The following TMEM163 variants were observed in gnomAD, a reference collection of about 807,000 sequenced individuals.
The protein encoded by TMEM163 is transmembrane protein 163.
TMEM163 carries 17 observed loss-of-function variants against 29.3 expected under a neutral mutation model. The observed-to-expected ratio is 0.58, with a 90% CI of 0.40 to 0.87. The LOEUF (loss-of-function observed/expected upper bound fraction) is 0.87. Among genes scored for constraint, TMEM163 ranks in the 40% least tolerant of loss-of-function variants. The pLI, the probability that TMEM163 is intolerant of heterozygous loss-of-function variation, is 0.00. For synonymous variants in TMEM163, 157 were observed against 160.6 expected (o/e 0.98, Z 0.17); for missense variants, 303 against 381.5 (o/e 0.79, Z 1.71).
intron 4 of TMEM163, among the ~76,000 whole-genome samples, chr2:134,516,721 TC>T (rs1680073344): frequency 5.6e-5 from 6 of 106,838 alleles, no homozygotes; most frequent in Non-Finnish European, 1.0e-4. Context: ...ACATATATAT[TC>T]ATATATATGC....
intron 4 of TMEM163, among the ~76,000 whole-genome samples, chr2:134,519,373 T>C (rs1388169608): frequency 1.3e-5 from 2 of 152,126 alleles, no homozygotes; most frequent in Non-Finnish European, 2.9e-5. Flanking sequence ...CGGCCTCAAA[T>C]GAGCAGAGTG....
At chr2:134,542,128 T>C (rs374906217) in intron 4 of TMEM163, among the ~76,000 whole-genome samples, 1 of 152,248 alleles carries the variant, frequency 6.6e-6, no homozygotes, top group African/African-American at 2.4e-5. Flanking sequence ...TTTTATTCCA[T>C]GTTCTTGAAA....
chr2:134,629,351 C>T (rs886286120), intron 2 of TMEM163, among the ~76,000 whole-genome samples: 5 of 152,150 alleles, frequency 3.3e-5, no homozygotes, highest in African/African-American at 9.7e-5. Context: ...CGTTTCTTCT[C>T]AGAAGTGAGA....
intron 4 of TMEM163, among the ~76,000 whole-genome samples, chr2:134,517,112 T>C (rs971222273): frequency 3.5e-5 from 5 of 143,272 alleles, no homozygotes; most frequent in Admixed American, 2.1e-4. Flanking sequence ...TCTTCCATCA[T>C]TGGGACCTCT....
At chr2:134,556,272 GTGAGT>G (rs1681047469) in intron 2 of TMEM163, among the ~76,000 whole-genome samples, 1 of 152,190 alleles carries the variant, frequency 6.6e-6, no homozygotes, top group South Asian at 2.1e-4. Flanking sequence ...TTAAGCCAGT[GTGAGT>G]TGAGTTTCTA....
intron 4 of TMEM163, among the ~76,000 whole-genome samples, chr2:134,550,269 C>T (rs1050671726): frequency 2.0e-5 from 3 of 152,134 alleles, no homozygotes; most frequent in Non-Finnish European, 4.4e-5. Context: ...TCCAAGAGAA[C>T]AAAGATTCCG....
intron 6 of TMEM163, among the ~76,000 whole-genome samples, chr2:134,465,727 C>T (rs998948834): frequency 6.6e-6 from 1 of 152,156 alleles, no homozygotes; most frequent in Non-Finnish European, 1.5e-5. Flanking sequence ...GAAGGAAAAA[C>T]AAGCATGGAG....
At chr2:134,542,285 TC>T (rs903731436) in intron 4 of TMEM163, among the ~76,000 whole-genome samples, 1 of 152,186 alleles carries the variant, frequency 6.6e-6, no homozygotes, top group Non-Finnish European at 1.5e-5. Context: ...GTCGTGACCC[TC>T]CCTCCCTTTC....
At chr2:134,593,989 T>C (rs1574265093) in intron 2 of TMEM163, among the ~76,000 whole-genome samples, 1 of 151,982 alleles carries the variant, frequency 6.6e-6, no homozygotes, top group East Asian at 1.9e-4. Flanking sequence ...TAATGAAATT[T>C]TCAGGTTCTC....
intron 5 of TMEM163, among the ~76,000 whole-genome samples, chr2:134,500,102 C>G (rs1194214393): frequency 6.6e-6 from 1 of 152,202 alleles, no homozygotes. Flanking sequence ...AGCATGATAT[C>G]TCCAGAGGAG....
At chr2:134,581,634 CG>C (rs11403384) in intron 2 of TMEM163, among the ~76,000 whole-genome samples, 1 of 151,634 alleles carries the variant, frequency 6.6e-6, no homozygotes, top group Admixed American at 6.6e-5. Context: ...TTTATGGGGG[CG>C]GGGGGGAGAT....
chr2:134,582,198 G>A (rs911709105), intron 2 of TMEM163, among the ~76,000 whole-genome samples: 1 of 152,196 alleles, frequency 6.6e-6, no homozygotes, highest in African/African-American at 2.4e-5. Flanking sequence ...AGGCTGGGAA[G>A]GGGAGTAAGT....
rs58005011 is a variant in TMEM163 at position 134,537,774 on chromosome 2, A to G, written c.458+12796T>C. Among the ~76,000 whole-genome samples, 258 of 152,358 alleles carry G rather than the reference A, an allele frequency of 1.7e-3. 2 individuals carry two copies. The highest frequency in any genetic ancestry group is 5.7e-3 in the African/African-American group (239 of 41,584). ...TTCAATCCATGAGCCCACAAGCCAG[A>G]CTGTGCAGAGTGGTAAAGAGGCCAG... On this transcript the variant is annotated intron_variant, in intron 4 of 7. Coordinates refer to ENST00000281924, the MANE Select transcript of TMEM163 (RefSeq NM_030923.5).
At chr2:134,693,583 T>C (rs559796208) in intron 2 of TMEM163, among the ~76,000 whole-genome samples, 19 of 128,202 alleles carry the variant, frequency 1.5e-4, no homozygotes, top group African/African-American at 5.8e-4. Flanking sequence ...CACTCCAGCC[T>C]GGGCAACAAG....
At chr2:134,645,977 T>A (rs543944871) in intron 2 of TMEM163, among the ~76,000 whole-genome samples, 2 of 152,350 alleles carry the variant, frequency 1.3e-5, no homozygotes, top group East Asian at 1.9e-4. Flanking sequence ...AAAATTTTTT[T>A]AAAGATAAAC....
chr2:134,718,930 C>T lies in TMEM163; in HGVS notation c.6G>A (p.Glu2=). Residue 2 remains glutamate (E), a synonymous_variant, in exon 1 of 8, where the codon GAG becomes GAA. Coordinates refer to ENST00000281924, the MANE Select transcript of TMEM163 (RefSeq NM_030923.5). ...TGCGGCGCTGGATGCCCGCGGCCGG[C>T]TCCATGGCGCGGGGCTGCGGATCCC... is the stretch of plus-strand genomic sequence containing the variant. M[E]PAAGIQRRSS... 9.5e-7 allele frequency: 1 copy of T among 1,049,592 alleles called. No homozygotes were observed. Among genetic ancestry groups the T allele is most frequent in the South Asian group, 4.4e-5 (1 of 22,756 alleles). 65.0% of individuals were successfully genotyped at this position (1,049,592 alleles called of 1,614,324 possible).
chr2:134,653,830 G>T (rs1214462098), intron 2 of TMEM163, among the ~76,000 whole-genome samples: 1 of 123,012 alleles, frequency 8.1e-6, no homozygotes, highest in African/African-American at 4.0e-5. Context: ...GGAGCAGGTT[G>T]TTCAGTTTCC....
At chr2:134,504,776 G>A (rs529003273) in intron 4 of TMEM163, among the ~76,000 whole-genome samples, 1 of 152,324 alleles carries the variant, frequency 6.6e-6, no homozygotes, top group East Asian at 1.9e-4. Context: ...TGTGCTGCCT[G>A]TGTGTGACAG....
chr2:134,667,656 A>C (rs1042819811), intron 2 of TMEM163, among the ~76,000 whole-genome samples: 9 of 152,232 alleles, frequency 5.9e-5, no homozygotes, highest in African/African-American at 2.2e-4. Flanking sequence ...TAATTCATAT[A>C]TGTAACCGCT....
Sources: gnomAD v4.1 joint callset for allele counts (sites outside exome capture counted in the v4.1 genomes callset) on GRCh38, gnomAD v4.1.1 for gene constraint, MANE v1.5 for transcripts, NCBI Gene and HGNC (gene_info 2026-07-23, HGNC 2026-07-21) for gene names.